PDE4D: variants seen among roughly 807,000 people sequenced by gnomAD.
PDE4D encodes the protein phosphodiesterase 4D.
PDE4D carries 24 observed loss-of-function variants against 87.4 expected under a neutral mutation model. That is an observed-to-expected ratio of 0.27 (90% CI 0.20 to 0.39). The LOEUF is 0.39. PDE4D is among the 10% of genes least tolerant of loss of function. The pLI is 1.00. For missense variants in PDE4D, 714 were observed against 1,041.0 expected (o/e 0.69, Z 4.32); for synonymous variants, 384 against 383.2 (o/e 1.00, Z -0.02).
At chr5:59,134,146 AGC>A (rs1306777073) in intron 5 of PDE4D, among the ~76,000 whole-genome samples, 1 of 149,524 alleles carries the variant, frequency 6.7e-6, no homozygotes, top group African/African-American at 2.5e-5. Flanking sequence ...TCATAAAGCT[AGC>A]ATGTAAGCTG....
intron 2 of PDE4D, among the ~76,000 whole-genome samples, chr5:60,065,594 G>A (rs1342559846): frequency 6.6e-6 from 1 of 151,080 alleles, no homozygotes; most frequent in Non-Finnish European, 1.5e-5. Context: ...CCGCTCCCCC[G>A]ACCCCACAAC....
intron 1 of PDE4D, among the ~76,000 whole-genome samples, chr5:59,370,204 G>A (rs1783734166): frequency 1.3e-5 from 2 of 152,122 alleles, no homozygotes; most frequent in South Asian, 4.1e-4. Context: ...ATTCTTCACA[G>A]AGCACCCAGA....
intron 1 of PDE4D, among the ~76,000 whole-genome samples, chr5:60,290,886 C>G (rs1415865107): frequency 1.3e-5 from 2 of 152,136 alleles, no homozygotes; most frequent in African/African-American, 2.4e-5. Flanking sequence ...TAAAAATACT[C>G]TTTCCCCTAG....
intron 1 of PDE4D, among the ~76,000 whole-genome samples, chr5:60,266,581 C>A (rs1207441390): frequency 6.6e-6 from 1 of 152,192 alleles, no homozygotes; most frequent in Non-Finnish European, 1.5e-5. Context: ...CTGCAAAGGG[C>A]AGGAGACTAG....
chr5:59,268,278 A>AGTTTTT (rs1263445268), intron 1 of PDE4D, among the ~76,000 whole-genome samples: 1 of 152,126 alleles, frequency 6.6e-6, no homozygotes, highest in East Asian at 1.9e-4. Context: ...TGCCCCTGTC[A>AGTTTTT]TGCTAAAAAA....
chr5:59,892,466 T>C (rs1057335003), intron 1 of PDE4D, among the ~76,000 whole-genome samples: 2 of 151,916 alleles, frequency 1.3e-5, no homozygotes, highest in African/African-American at 2.4e-5. Flanking sequence ...ACCGACACAG[T>C]GTAACTCCCA....
chr5:60,441,417 C>T (rs926051941), intron 1 of PDE4D, among the ~76,000 whole-genome samples: 1 of 152,084 alleles, frequency 6.6e-6, no homozygotes, highest in Non-Finnish European at 1.5e-5. Flanking sequence ...CCCTTCCTTA[C>T]CCCTTATCAA....
chr5:60,317,939 T>C (rs1399698899), intron 1 of PDE4D, among the ~76,000 whole-genome samples: 4 of 152,202 alleles, frequency 2.6e-5, no homozygotes, highest in Non-Finnish European at 5.9e-5. Context: ...AAGTGCGGTG[T>C]GGTACTGAGA....
chr5:59,469,373 TAGTC>T (rs1298499600), intron 1 of PDE4D, among the ~76,000 whole-genome samples: 3 of 152,016 alleles, frequency 2.0e-5, no homozygotes, highest in Non-Finnish European at 2.9e-5. Flanking sequence ...CTAACACACA[TAGTC>T]AGATGTGGCA....
chr5:60,070,751 T>G (rs914339140), intron 2 of PDE4D, among the ~76,000 whole-genome samples: 1 of 152,056 alleles, frequency 6.6e-6, no homozygotes, highest in African/African-American at 2.4e-5. Context: ...TTAGAAGAAA[T>G]GGTATAAATT....
At chr5:59,742,247 A>T (rs1305334871) in intron 1 of PDE4D, among the ~76,000 whole-genome samples, 1 of 152,176 alleles carries the variant, frequency 6.6e-6, no homozygotes, top group Non-Finnish European at 1.5e-5. Context: ...TACTTTTAGT[A>T]GAGACGGGGT....
intron 1 of PDE4D, among the ~76,000 whole-genome samples, chr5:59,438,674 A>C (rs1475648030): frequency 1.3e-5 from 2 of 152,146 alleles, no homozygotes; most frequent in African/African-American, 4.8e-5. Flanking sequence ...GCACACTTAC[A>C]ATGTTGCCTC....
chr5:59,061,066 T>C (rs1035718067), intron 5 of PDE4D, among the ~76,000 whole-genome samples: 3 of 152,162 alleles, frequency 2.0e-5, no homozygotes, highest in African/African-American at 7.2e-5. Flanking sequence ...AGTTAGACAG[T>C]TGAATGATAC....
intron 1 of PDE4D, among the ~76,000 whole-genome samples, chr5:60,478,230 A>T (rs1748470739): frequency 6.6e-6 from 1 of 152,248 alleles, no homozygotes; most frequent in South Asian, 2.1e-4. Flanking sequence ...AAAACATTTG[A>T]AAACAAGTTT....
chr5:59,207,186 C>T (rs1333262282), intron 2 of PDE4D, among the ~76,000 whole-genome samples: 1 of 151,136 alleles, frequency 6.6e-6, no homozygotes, highest in Non-Finnish European at 1.5e-5. Context: ...GACTCTGTCT[C>T]AAAAGAAAAG....
chr5:60,336,088 G>T (rs931906872), intron 1 of PDE4D, among the ~76,000 whole-genome samples: 1 of 152,136 alleles, frequency 6.6e-6, no homozygotes, highest in South Asian at 2.1e-4. Context: ...CTACCACTCC[G>T]ACCAAACACT....
intron 1 of PDE4D, among the ~76,000 whole-genome samples, chr5:59,455,627 A>T (rs771734514): frequency 7.9e-5 from 12 of 152,318 alleles, no homozygotes; most frequent in Middle Eastern, 3.4e-3. Context: ...TGGAGCTGTT[A>T]GAAGAGGGCT....
intron 1 of PDE4D, among the ~76,000 whole-genome samples, chr5:59,359,359 G>A (rs1042541042): frequency 2.0e-5 from 3 of 152,126 alleles, no homozygotes; most frequent in African/African-American, 7.2e-5. Context: ...GACACAAGAA[G>A]TGTCTGTCAA....
chr5:60,418,022 T>C (rs1469204598), intron 1 of PDE4D, among the ~76,000 whole-genome samples: 2 of 152,212 alleles, frequency 1.3e-5, no homozygotes, highest in African/African-American at 4.8e-5. Context: ...CTGAATTACC[T>C]AGTGACAATT....
Sources: allele counts gnomAD v4.1 joint callset (sites outside exome capture counted in the v4.1 genomes callset), GRCh38; gene constraint gnomAD v4.1.1; transcripts MANE v1.5; gene names NCBI Gene and HGNC (gene_info 2026-07-23, HGNC 2026-07-21).